RALYL: variants seen among roughly 807,000 people sequenced by gnomAD.
The protein encoded by RALYL is RNA-binding Raly-like protein.
In RALYL, 29 loss-of-function variants were observed where a neutral mutation model predicts 35.1. The ratio of observed to expected loss-of-function variants is 0.83; its 90% CI spans 0.61 to 1.13. The LOEUF is 1.13. Ranked by LOEUF, RALYL falls within the 50% of genes most tolerant of loss-of-function variation. The probability of loss-of-function intolerance (pLI) is 0.00; values close to 1 mark genes in which losing one functional copy is unlikely to be tolerated. For missense variants in RALYL, 359 were observed against 360.4 expected, an observed-to-expected ratio of 1.00 and a Z score of 0.03; for synonymous variants, 120 against 127.6, an observed-to-expected ratio of 0.94 and a Z score of 0.40.
chr8:84,765,508 C>A (rs191196520), intron 2 of RALYL, among the ~76,000 whole-genome samples: 3 of 152,246 alleles, frequency 2.0e-5, no homozygotes, highest in Admixed American at 2.0e-4. Context: ...CATTTAATTT[C>A]TCAGTATCTC....
chr8:84,428,609 T>C (rs540562501), intron 1 of RALYL, among the ~76,000 whole-genome samples: 2 of 152,328 alleles, frequency 1.3e-5, no homozygotes, highest in South Asian at 4.1e-4. Context: ...TTCTAGAAAT[T>C]AAATTGGAAA....
intron 2 of RALYL, among the ~76,000 whole-genome samples, chr8:84,571,943 T>A (rs986985153): frequency 3.3e-5 from 5 of 151,866 alleles, no homozygotes; most frequent in Admixed American, 2.0e-4. Context: ...TTGGAATTGA[T>A]TTATAATTTT....
intron 1 of RALYL, among the ~76,000 whole-genome samples, chr8:84,524,335 A>G (rs1406680530): frequency 2.0e-5 from 3 of 152,220 alleles, no homozygotes; most frequent in Admixed American, 2.0e-4. Context: ...ATGCAGCCAA[A>G]AAACACATGA....
intron 2 of RALYL, chr8:84,706,028 C>T (rs1841143484): frequency 6.5e-7 from 1 of 1,534,796 alleles, no homozygotes; most frequent in East Asian, 2.4e-5. Flanking sequence ...TTCAAAATGA[C>T]CATGTACAAG....
At chr8:84,448,395 A>G (rs1190862413) in intron 1 of RALYL, among the ~76,000 whole-genome samples, 1 of 152,066 alleles carries the variant, frequency 6.6e-6, no homozygotes, top group African/African-American at 2.4e-5. Flanking sequence ...CTCATGGACA[A>G]TTTCAATTTG....
Position 84,707,195 on chromosome 8 carries a change from C to T in RALYL, c.257-67384C>T, listed in dbSNP as rs923068274. ...CAGAAAGCTCTGAGGGCTAGGCTGCCAGTTTGATTCTGCAAGCTTGATTGC... is the reference window on the plus strand; with the variant it reads ...CAGAAAGCTCTGAGGGCTAGGCTGCTAGTTTGATTCTGCAAGCTTGATTGC... On this transcript the variant is annotated intron_variant, in intron 2 of 8. Transcript: ENST00000521268. 4.6e-5 allele frequency among the ~76,000 whole-genome samples: 7 copies of T among 152,228 alleles called. No individual in the cohort carries two copies. In the East Asian group the frequency reaches 1.4e-3, roughly 29 times the overall value.
At position 84,595,654 on chromosome 8, in the gene RALYL, T is replaced by A. The variant is rs371511483; in HGVS notation, c.256+66077T>A. Among the ~76,000 whole-genome samples the A allele has an allele frequency of 2.6e-4, 40 of 151,926 alleles. 2 individuals carry two copies. In the East Asian group the frequency reaches 5.6e-3, roughly 21 times the overall value. The stretch of plus-strand genomic sequence containing the variant: ...AAAAAGGAGGCCCTCTACAAATAGG[T>A]CACAATAAAATATGAAACATAACTG... On this transcript the variant is annotated intron_variant, in intron 2 of 8. Coordinates refer to ENST00000521268, the MANE Select transcript of RALYL (RefSeq NM_173848.7).
intron 1 of RALYL, among the ~76,000 whole-genome samples, chr8:84,244,585 T>A (rs1035781171): frequency 2.6e-5 from 4 of 152,222 alleles, no homozygotes; most frequent in Admixed American, 2.0e-4. Flanking sequence ...CTGTCTTACA[T>A]CTGCTGCACT....
intron 1 of RALYL, among the ~76,000 whole-genome samples, chr8:84,195,017 G>A (rs138896307): frequency 8.6e-4 from 131 of 152,018 alleles, no homozygotes; most frequent in Non-Finnish European, 1.5e-3. Flanking sequence ...AAATAGACAC[G>A]CTCACATAAT....
intron 1 of RALYL, among the ~76,000 whole-genome samples, chr8:84,189,796 C>A (rs1813417943): frequency 6.6e-6 from 1 of 151,282 alleles, no homozygotes. Flanking sequence ...CTTAAGATGT[C>A]TGTAGTTTGG....
At chr8:84,461,093 C>T (rs980543156) in intron 1 of RALYL, among the ~76,000 whole-genome samples, 2 of 151,274 alleles carry the variant, frequency 1.3e-5, no homozygotes, top group East Asian at 1.9e-4. Context: ...GCAAGTTGGC[C>T]CAATATGCTA....
intron 2 of RALYL, among the ~76,000 whole-genome samples, chr8:84,761,697 A>G (rs781359653): frequency 2.0e-5 from 3 of 152,102 alleles, no homozygotes; most frequent in Admixed American, 6.6e-5. Flanking sequence ...TCATTCCCAT[A>G]TTTAACAAAC....
At chr8:84,373,914 G>A (rs903297204) in intron 1 of RALYL, among the ~76,000 whole-genome samples, 2 of 151,066 alleles carry the variant, frequency 1.3e-5, no homozygotes, top group African/African-American at 2.5e-5. Context: ...CTCCTTTTAG[G>A]GATCTTTCAC....
At chr8:84,514,390 G>C (rs1021853) in intron 1 of RALYL, among the ~76,000 whole-genome samples, 54,754 of 151,970 alleles carry the variant, frequency 0.36, 10,058 homozygotes, top group South Asian at 0.51. Flanking sequence ...AAGTATTTGA[G>C]ATAGAGTAAT....
chr8:84,806,821 G>A (rs192194062), intron 4 of RALYL, among the ~76,000 whole-genome samples: 2 of 152,210 alleles, frequency 1.3e-5, no homozygotes, highest in East Asian at 1.9e-4. Context: ...AGACCAGGCT[G>A]GACAACATGG....
chr8:84,462,905 A>C (rs1245423780), intron 1 of RALYL, among the ~76,000 whole-genome samples: 1 of 151,816 alleles, frequency 6.6e-6, no homozygotes, highest in Non-Finnish European at 1.5e-5. Context: ...AAAGCAACCC[A>C]CCTTTGTTTT....
At chr8:84,761,342 C>CA (rs908554612) in intron 2 of RALYL, among the ~76,000 whole-genome samples, 2 of 151,554 alleles carry the variant, frequency 1.3e-5, no homozygotes, top group South Asian at 2.1e-4. Flanking sequence ...ATACATAAGT[C>CA]AAAAAAACTA....
At chr8:84,706,427 G>A (rs1214804017) in intron 2 of RALYL, among the ~76,000 whole-genome samples, 1 of 152,098 alleles carries the variant, frequency 6.6e-6, no homozygotes, top group East Asian at 1.9e-4. Flanking sequence ...GAAAGGTTTG[G>A]GAAGCTAGCC....
chr8:84,776,659 C>CTT (rs35977642), intron 3 of RALYL, among the ~76,000 whole-genome samples: 45 of 151,710 alleles, frequency 3.0e-4, no homozygotes, highest in African/African-American at 5.8e-4. Flanking sequence ...CTGCCAATGG[C>CTT]TTTTTTTTAT....
Sources: allele counts gnomAD v4.1 joint callset (sites outside exome capture counted in the v4.1 genomes callset), GRCh38; gene constraint gnomAD v4.1.1; transcripts MANE v1.5; gene names NCBI Gene and HGNC (gene_info 2026-07-23, HGNC 2026-07-21).